Variants in NOL9 observed in about 807,000 individuals in gnomAD.
NOL9 encodes the protein polynucleotide 5'-hydroxyl-kinase NOL9.
A neutral mutation model predicts 67.9 loss-of-function variants in NOL9; 28 were observed. The ratio of observed to expected loss-of-function variants is 0.41; its 90% CI spans 0.31 to 0.57. NOL9 has a LOEUF of 0.57. Ranked by LOEUF, NOL9 falls within the 20% of genes least tolerant of loss-of-function variation. The pLI is 0.25. For missense variants in NOL9, 777 were observed against 897.0 expected, an observed-to-expected ratio of 0.87 and a Z score of 1.71; for synonymous variants, 356 against 352.2, an observed-to-expected ratio of 1.01 and a Z score of -0.12.
chr1:6,554,174 G>C lies in NOL9; in HGVS notation c.329C>G (p.Pro110Arg). The C allele has an allele frequency of 1.3e-6, 2 of 1,524,940 alleles. No homozygotes were observed. Among genetic ancestry groups the C allele is most frequent in the Non-Finnish European group, 1.8e-6 (2 of 1,135,724 alleles). 94.5% of individuals were successfully genotyped at this position (1,524,940 alleles called of 1,614,324 possible). A position where few individuals can be genotyped will look rare whatever the true frequency, so the allele number is the denominator to read the frequency against. ...GGGCCGCACCGGTGGGATGAGGAGA[G>C]GCCGGTGGCAACTCGAGGCGGATTC... ...ELESASSCHR[P>R]LLIPPVRPVG... The change falls in exon 1 of 12, where the codon CCT becomes CGT. Residue 110 changes from proline to arginine, a missense_variant. Coordinates refer to ENST00000377705, the MANE Select transcript of NOL9 (RefSeq NM_024654.5).
At chr1:6,545,278 T>TA in intron 3 of NOL9, 98 bp from the exon 4 acceptor site, 1 of 1,267,816 alleles carries the variant, frequency 7.9e-7, no homozygotes, top group African/African-American at 1.5e-5. Flanking sequence ...CCAGAGAAGA[T>TA]AAATTGTTTC....
At chr1:6,534,223 T>C (rs987312510) in intron 6 of NOL9, among the ~76,000 whole-genome samples, 13 of 152,184 alleles carry the variant, frequency 8.5e-5, no homozygotes, top group Admixed American at 4.6e-4. Context: ...TGGCAGGTAG[T>C]AGTATCCTCA....
chr1:6,549,400 T>C, intron 3 of NOL9, 171 bp downstream of exon 3: 2 of 667,012 alleles, frequency 3.0e-6, no homozygotes, highest in South Asian at 3.0e-5. Flanking sequence ...GATGAACATT[T>C]TTCACGATAC....
At chr1:6,543,526 A>G (rs1399426809) in intron 5 of NOL9, among the ~76,000 whole-genome samples, 1 of 151,488 alleles carries the variant, frequency 6.6e-6, no homozygotes, top group Non-Finnish European at 1.5e-5. Flanking sequence ...TTAGAGACAC[A>G]GTGTCACTCT....
At chr1:6,530,923 C>T (rs1639011138) in intron 9 of NOL9, among the ~76,000 whole-genome samples, 1 of 152,240 alleles carries the variant, frequency 6.6e-6, no homozygotes, top group African/African-American at 2.4e-5. Flanking sequence ...TCAACTTTGA[C>T]TACACCATTT....
intron 6 of NOL9, 140 bp downstream of exon 6, chr1:6,541,690 C>A: frequency 2.4e-6 from 1 of 420,782 alleles, no homozygotes. Context: ...GTTAGAGGAA[C>A]AAGTTATGGA....
In NOL9 at chr1:6,532,752, G is replaced by A; in HGVS notation, c.1246C>T (p.Leu416Phe). The change falls in exon 8 of 12, where the codon CTC (leucine) becomes TTC (phenylalanine). Residue 416 changes from leucine (L) to phenylalanine (F), a missense_variant. Coordinates refer to ENST00000377705, the MANE Select transcript of NOL9 (RefSeq NM_024654.5). ...NTMGWVSDQG[L>F]LLLIDLIRLL... ...CGGATCAGATCAATGAGAAGCAGGA[G>A]CCCCTGGTCTGTGGGGAAGAGACAT... 6.2e-7 allele frequency: 1 copy of A among 1,611,230 alleles called. No individual in the cohort carries two copies. Among genetic ancestry groups the A allele is most frequent in the South Asian group, 1.1e-5 (1 of 90,890 alleles).
Position 6,532,574 on chromosome 1 carries a change from G to A in NOL9, c.1424C>T (p.Ala475Val), listed in dbSNP as rs202012274. 1.2e-6 allele frequency: 2 copies of A among 1,614,202 alleles called. No homozygotes were observed. The highest frequency in any genetic ancestry group is 2.2e-5 in the East Asian group (1 of 44,892). The change falls in exon 8 of 12, where the codon GCA becomes GTA. Residue 475 changes from alanine (A) to valine (V), a missense_variant. Physicochemically the swap from Ala to Val is moderately conservative, Grantham distance 64 (BLOSUM62 0). Transcript: ENST00000377705. The stretch of plus-strand genomic sequence containing the variant: ...TTCATCAGCAAATTCCAAAGCATCT[G>A]CAAATGCTGCGAGTCTGAAACGTCG... ...RNRRFRLAAF[A>V]DALEFADEEK...
chr1:6,527,619 A>AAAAAC (rs1283958478), intron 10 of NOL9, among the ~76,000 whole-genome samples: 3 of 58,528 alleles, frequency 5.1e-5, no homozygotes, highest in African/African-American at 1.2e-4. Context: ...ACTTTGTCTC[A>AAAAAC]AAAACAAAAC....
At chr1:6,530,858 G>A (rs1639009266) in intron 9 of NOL9, among the ~76,000 whole-genome samples, 3 of 152,248 alleles carry the variant, frequency 2.0e-5, no homozygotes, top group African/African-American at 4.8e-5. Context: ...CATGCTGTGC[G>A]GCAGAGCACA....
intron 2 of NOL9, among the ~76,000 whole-genome samples, chr1:6,549,938 T>C (rs1051522561): frequency 2.0e-5 from 3 of 152,192 alleles, no homozygotes; most frequent in Admixed American, 6.6e-5. Context: ...AAAATGGTGA[T>C]AACAATAGTA....
At chr1:6,549,997 C>T (rs1486401584) in intron 2 of NOL9, among the ~76,000 whole-genome samples, 3 of 152,020 alleles carry the variant, frequency 2.0e-5, no homozygotes, top group Non-Finnish European at 2.9e-5. Context: ...ACCACAACGT[C>T]CTTAGCACAC....
At chr1:6,537,066 A>C (rs1022874555) in intron 6 of NOL9, among the ~76,000 whole-genome samples, 4 of 152,256 alleles carry the variant, frequency 2.6e-5, no homozygotes, top group Middle Eastern at 3.4e-3. Context: ...CCAATGGAAC[A>C]GCATAGAAAG....
chr1:6,550,257 T>C, intron 2 of NOL9, 139 bp downstream of exon 2: 1 of 682,750 alleles, frequency 1.5e-6, no homozygotes, highest in Non-Finnish European at 2.5e-6. Flanking sequence ...GGTCTCGATC[T>C]CCTGACCTCA....
chr1:6,551,377 A>T (rs569737704), intron 1 of NOL9, among the ~76,000 whole-genome samples: 1 of 152,056 alleles, frequency 6.6e-6, no homozygotes, highest in Non-Finnish European at 1.5e-5. Context: ...TGAGGCCAGG[A>T]GTTTGAGACC....
At position 6,524,912 on chromosome 1, in the gene NOL9, T is replaced by C. The variant is rs1396218050; in HGVS notation, c.*942A>G. The C allele has an allele frequency of 6.6e-6, 1 of 152,120 alleles. No individual in the cohort carries two copies. Among genetic ancestry groups the C allele is most frequent in the African/African-American group, 2.4e-5 (1 of 41,400 alleles). The allele number at this position is 152,120 out of a possible 1,614,324, so 9.4% of individuals were successfully genotyped here. On this transcript the variant is annotated 3_prime_UTR_variant, in exon 12 of 12. Coordinates refer to ENST00000377705, the MANE Select transcript of NOL9 (RefSeq NM_024654.5). ...CCACCACCACGCCCAGCTAGTTTTTTGTATTTTTAGTAGAGACGGAGTTTC... is the reference window on the plus strand; with the variant it reads ...CCACCACCACGCCCAGCTAGTTTTTCGTATTTTTAGTAGAGACGGAGTTTC...
Position 6,525,945 on chromosome 1 carries a change from C to G in NOL9, c.2018G>C (p.Gly673Ala). Residue 673 changes from glycine to alanine, a missense_variant, in exon 12 of 12, where the codon GGA becomes GCA. Transcript: ENST00000377705. ...VTTDYNFKLP[G>A]ASEKIGAREP... ...TCTTGCTCCAATTTTCTCTGATGCT[C>G]CAGGAAGTTTAAAATTGTAATCCGT... The G allele has an allele frequency of 6.2e-7, 1 of 1,613,886 alleles. No individual in the cohort carries two copies. Among genetic ancestry groups the G allele is most frequent in the Non-Finnish European group, 8.5e-7 (1 of 1,179,798 alleles).
At chr1:6,545,304 G>T in intron 3 of NOL9, 124 bp from the exon 4 acceptor site, 2 of 955,100 alleles carry the variant, frequency 2.1e-6, no homozygotes, top group Non-Finnish European at 3.1e-6. Flanking sequence ...TTTGTCTCCT[G>T]CCCCAAAATC....
intron 9 of NOL9, among the ~76,000 whole-genome samples, chr1:6,531,299 C>T (rs567727499): frequency 1.2e-4 from 18 of 152,108 alleles, no homozygotes; most frequent in East Asian, 1.9e-4. Context: ...CTGCAACCTC[C>T]GCCTCCTGGG....
Sources: gnomAD v4.1 joint callset for allele counts (sites outside exome capture counted in the v4.1 genomes callset) on GRCh38, gnomAD v4.1.1 for gene constraint, MANE v1.5 for transcripts, NCBI Gene and HGNC (gene_info 2026-07-23, HGNC 2026-07-21) for gene names.